PLXDC2: variants seen among roughly 807,000 people sequenced by gnomAD.
The protein encoded by PLXDC2 is plexin domain-containing protein 2.
PLXDC2 carries 40 observed loss-of-function variants against 68.9 expected under a neutral mutation model. The observed-to-expected ratio is 0.58, with a 90% CI of 0.45 to 0.76. The LOEUF is 0.76. Among genes scored for constraint, PLXDC2 ranks in the 30% least tolerant of loss-of-function variants. The probability of loss-of-function intolerance (pLI) is 0.00; values close to 1 mark genes in which losing one functional copy is unlikely to be tolerated. For missense variants in PLXDC2, 644 were observed against 661.9 expected, an observed-to-expected ratio of 0.97 and a Z score of 0.30; for synonymous variants, 243 against 234.2, an observed-to-expected ratio of 1.04 and a Z score of -0.34.
intron 1 of PLXDC2, among the ~76,000 whole-genome samples, chr10:19,988,136 A>G (rs1834679822): frequency 6.6e-6 from 1 of 151,850 alleles, no homozygotes; most frequent in Admixed American, 6.6e-5. Flanking sequence ...GTAATGTCAC[A>G]TGAGCTTACT....
chr10:19,908,695 C>A (rs1449444213), intron 1 of PLXDC2, among the ~76,000 whole-genome samples: 1 of 151,996 alleles, frequency 6.6e-6, no homozygotes, highest in Non-Finnish European at 1.5e-5. Flanking sequence ...TATGGCTTAC[C>A]TGACAATATA....
At chr10:19,818,144 AAAAAG>A (rs1836391060) in intron 1 of PLXDC2, among the ~76,000 whole-genome samples, 1 of 152,190 alleles carries the variant, frequency 6.6e-6, no homozygotes, top group Non-Finnish European at 1.5e-5. Flanking sequence ...GAGAAAAAGA[AAAAAG>A]AAAAAACTTG....
chr10:19,871,577 T>C (rs1322159838), intron 1 of PLXDC2, among the ~76,000 whole-genome samples: 2 of 152,148 alleles, frequency 1.3e-5, no homozygotes, highest in Non-Finnish European at 2.9e-5. Context: ...CCATGAGTCT[T>C]TTCCTCTAGT....
intron 1 of PLXDC2, among the ~76,000 whole-genome samples, chr10:19,989,985 T>C (rs2131627650): frequency 1.3e-5 from 2 of 152,184 alleles, no homozygotes; most frequent in Admixed American, 1.3e-4. Flanking sequence ...CCTGACCTCC[T>C]GATCCGCCCG....
At chr10:20,006,926 T>C (rs1835036364) in intron 2 of PLXDC2, among the ~76,000 whole-genome samples, 1 of 152,272 alleles carries the variant, frequency 6.6e-6, no homozygotes, top group African/African-American at 2.4e-5. Flanking sequence ...TTTCTTCTTG[T>C]ATTTCCTCTG....
chr10:19,914,945 C>T (rs1361695543), intron 1 of PLXDC2, among the ~76,000 whole-genome samples: 2 of 152,150 alleles, frequency 1.3e-5, no homozygotes, highest in African/African-American at 2.4e-5. Flanking sequence ...TGTAGCCTCT[C>T]TAGATTTCTT....
At chr10:20,197,348 G>T (rs1834853413) in intron 9 of PLXDC2, among the ~76,000 whole-genome samples, 1 of 151,788 alleles carries the variant, frequency 6.6e-6, no homozygotes, top group East Asian at 1.9e-4. Flanking sequence ...AAGATCTATG[G>T]TGATTGTTTT....
At chr10:20,081,330 C>A (rs1363591649) in intron 4 of PLXDC2, among the ~76,000 whole-genome samples, 1 of 151,784 alleles carries the variant, frequency 6.6e-6, no homozygotes, top group Non-Finnish European at 1.5e-5. Flanking sequence ...CTAGAGACAC[C>A]CTTAAGAGAG....
intron 1 of PLXDC2, among the ~76,000 whole-genome samples, chr10:19,830,626 T>A (rs1179989682): frequency 6.6e-6 from 1 of 152,172 alleles, no homozygotes; most frequent in Non-Finnish European, 1.5e-5. Flanking sequence ...CTTTTAATAG[T>A]GGCATATTTC....
chr10:20,157,709 T>C (rs1349507991), intron 6 of PLXDC2, among the ~76,000 whole-genome samples: 6 of 152,220 alleles, frequency 3.9e-5, no homozygotes, highest in Non-Finnish European at 5.9e-5. Flanking sequence ...TGATTTTGTG[T>C]AGCAATTGCA....
At chr10:19,990,638 GA>G (rs1834731316) in intron 1 of PLXDC2, among the ~76,000 whole-genome samples, 1 of 151,938 alleles carries the variant, frequency 6.6e-6, no homozygotes, top group African/African-American at 2.4e-5. Context: ...CACAAAAATG[GA>G]AATCTAATTT....
At chr10:19,859,287 C>G (rs1354347126) in intron 1 of PLXDC2, among the ~76,000 whole-genome samples, 1 of 151,894 alleles carries the variant, frequency 6.6e-6, no homozygotes, top group African/African-American at 2.4e-5. Context: ...AAACAAAAAA[C>G]AAACCATATT....
intron 1 of PLXDC2, among the ~76,000 whole-genome samples, chr10:19,919,028 T>C (rs966648660): frequency 6.6e-6 from 1 of 152,156 alleles, no homozygotes; most frequent in Non-Finnish European, 1.5e-5. Flanking sequence ...TCAGGGCAGA[T>C]TGTGAGAAGC....
At chr10:20,009,352 G>A (rs1278830099) in intron 2 of PLXDC2, among the ~76,000 whole-genome samples, 4 of 152,026 alleles carry the variant, frequency 2.6e-5, no homozygotes, top group Admixed American at 6.6e-5. Flanking sequence ...TATTTATTAC[G>A]AATGTGAAAA....
intron 3 of PLXDC2, among the ~76,000 whole-genome samples, chr10:20,047,860 C>A (rs993401104): frequency 4.6e-5 from 7 of 152,110 alleles, no homozygotes; most frequent in African/African-American, 1.4e-4. Context: ...GAGGTGTTAA[C>A]CTAGGTAGCA....
In PLXDC2 at chr10:19,822,984, C is replaced by T. The variant is rs537176223; in HGVS notation, c.112+5793C>T. Among the ~76,000 whole-genome samples the T allele has an allele frequency of 3.9e-5, 6 of 151,982 alleles. No individual in the cohort carries two copies. The East Asian group carries it at 1.2e-3, about 30-fold the overall frequency. On this transcript the variant is annotated intron_variant, in intron 1 of 13. Transcript: ENST00000377252. ...AGTCTGGAGTGCAGTGGCGCGATCT[C>T]AGCTCACTGCAAGCACCGCCTCCCA... is the stretch of plus-strand genomic sequence containing the variant.
chr10:20,245,573 C>G (rs1425803982), intron 13 of PLXDC2, 68 bp downstream of exon 13: 2 of 1,482,750 alleles, frequency 1.3e-6, no homozygotes, highest in African/African-American at 2.8e-5. Context: ...CTAACACCAC[C>G]TGGATTTAAT....
At chr10:20,228,014 ATGGGCG>A (rs1185271883) in intron 12 of PLXDC2, among the ~76,000 whole-genome samples, 1 of 152,160 alleles carries the variant, frequency 6.6e-6, no homozygotes, top group Non-Finnish European at 1.5e-5. Context: ...TTCCCAGGAC[ATGGGCG>A]TAAGTTATCT....
At chr10:19,898,058 T>G (rs1325993672) in intron 1 of PLXDC2, among the ~76,000 whole-genome samples, 1 of 152,224 alleles carries the variant, frequency 6.6e-6, no homozygotes, top group Non-Finnish European at 1.5e-5. Context: ...TATTTATTAT[T>G]GATTTTTTGA....
Sources: gnomAD v4.1 joint callset for allele counts (sites outside exome capture counted in the v4.1 genomes callset) on GRCh38, gnomAD v4.1.1 for gene constraint, MANE v1.5 for transcripts, NCBI Gene and HGNC (gene_info 2026-07-23, HGNC 2026-07-21) for gene names.